KCNK2: variants seen among roughly 807,000 people sequenced by gnomAD.
KCNK2 encodes potassium channel subfamily K member 2.
Under a neutral mutation model 40.5 loss-of-function variants are expected in KCNK2, and 21 were observed. The observed-to-expected ratio is 0.52, with a 90% CI of 0.37 to 0.75. KCNK2 has a LOEUF of 0.75. Among genes scored for constraint, KCNK2 ranks in the 30% least tolerant of loss-of-function variants. KCNK2 has a pLI of 0.00. For synonymous variants in KCNK2, 191 were observed against 202.2 expected (o/e 0.94, Z 0.47); for missense variants, 399 against 531.6 (o/e 0.75, Z 2.45).
intron 3 of KCNK2, among the ~76,000 whole-genome samples, chr1:215,128,629 T>C (rs554732437): frequency 6.6e-6 from 1 of 151,932 alleles, no homozygotes; most frequent in Non-Finnish European, 1.5e-5. Flanking sequence ...AGTGGGGAAG[T>C]TGGATTTGAA....
chr1:215,084,814 T>C (rs956750439), intron 1 of KCNK2, among the ~76,000 whole-genome samples: 2 of 152,212 alleles, frequency 1.3e-5, no homozygotes, highest in Non-Finnish European at 2.9e-5. Flanking sequence ...CTTGGAGCCA[T>C]GGGTACAGAA....
At chr1:215,196,115 G>A (rs536192253) in intron 6 of KCNK2, among the ~76,000 whole-genome samples, 1 of 149,528 alleles carries the variant, frequency 6.7e-6, no homozygotes, top group East Asian at 2.0e-4. Context: ...ATGAAGTCTC[G>A]CTTTGTTATC....
At chr1:215,089,335 G>T (rs546319708) in intron 2 of KCNK2, among the ~76,000 whole-genome samples, 1 of 152,116 alleles carries the variant, frequency 6.6e-6, no homozygotes, top group Non-Finnish European at 1.5e-5. Context: ...GCTGAGGGGG[G>T]AAACAGTTGG....
At chr1:215,165,426 A>C (rs1378330382) in intron 3 of KCNK2, among the ~76,000 whole-genome samples, 1 of 152,154 alleles carries the variant, frequency 6.6e-6, no homozygotes, top group East Asian at 1.9e-4. Flanking sequence ...AAACATTCAG[A>C]ACATAGTGGA....
intron 3 of KCNK2, among the ~76,000 whole-genome samples, chr1:215,141,907 G>A (rs1157566230): frequency 6.6e-6 from 1 of 152,064 alleles, no homozygotes; most frequent in African/African-American, 2.4e-5. Flanking sequence ...CTATGCTGAT[G>A]GTTCTGCCTT....
chr1:215,196,586 T>G (rs1664875669), intron 6 of KCNK2, among the ~76,000 whole-genome samples: 1 of 152,180 alleles, frequency 6.6e-6, no homozygotes, highest in South Asian at 2.1e-4. Flanking sequence ...ACAATATGCT[T>G]GACACTATAA....
At chr1:215,110,667 A>T (rs1660642945) in intron 2 of KCNK2, among the ~76,000 whole-genome samples, 1 of 152,054 alleles carries the variant, frequency 6.6e-6, no homozygotes, top group African/African-American at 2.4e-5. Flanking sequence ...ATTTTTTTAA[A>T]ATTTAATATA....
chr1:215,225,551 A>C (rs10864164), intron 6 of KCNK2, among the ~76,000 whole-genome samples: 34,518 of 152,112 alleles, frequency 0.23, 4,510 homozygotes, highest in African/African-American at 0.36. Flanking sequence ...AGAACCTATG[A>C]AAATATCACC....
intron 6 of KCNK2, among the ~76,000 whole-genome samples, chr1:215,210,582 A>G (rs966989812): frequency 1.3e-5 from 2 of 152,050 alleles, no homozygotes; most frequent in African/African-American, 4.8e-5. Context: ...GTTCATAGAC[A>G]TGGTTTGATT....
chr1:215,124,811 G>C, intron 3 of KCNK2, 61 bp downstream of exon 3: 1 of 1,033,172 alleles, frequency 9.7e-7, no homozygotes, highest in Non-Finnish European at 1.5e-6. Flanking sequence ...AAATCCATTT[G>C]TTTGAATTTT....
rs375712483 is a variant in KCNK2, at chr1:215,177,740, A to ATTTTTTTT, written c.823+5562_823+5569dup. Among the ~76,000 whole-genome samples the ATTTTTTTT allele has an allele frequency of 5.7e-3, 577 of 101,568 alleles. 2 individuals are homozygous for ATTTTTTTT. Among genetic ancestry groups the ATTTTTTTT allele is most frequent in the Middle Eastern group, 0.015 (2 of 134 alleles). The allele number at this position is 101,568 out of a possible 152,430, so 66.6% of individuals were successfully genotyped here. A position where few individuals can be genotyped will look rare whatever the true frequency, so the allele number is the denominator to read the frequency against. On this transcript the variant is annotated intron_variant, in intron 5 of 6. Coordinates refer to ENST00000444842, the MANE Select transcript of KCNK2 (RefSeq NM_001017425.3). Reference sequence around the variant, plus strand: ...TATATGTGTATATATATATATATATATTTTTTTTTTTTGTAGCAGTACCAT... The same window carrying ATTTTTTTT: ...TATATGTGTATATATATATATATATATTTTTTTTTTTTTTTTTTTTGTAGCAGTACCAT...
intron 6 of KCNK2, among the ~76,000 whole-genome samples, chr1:215,205,143 A>G (rs1665257976): frequency 6.6e-6 from 1 of 152,188 alleles, no homozygotes; most frequent in African/African-American, 2.4e-5. Flanking sequence ...TTCCAGATAC[A>G]TATTAGGATT....
chr1:215,094,001 G>T (rs902885666), intron 2 of KCNK2, among the ~76,000 whole-genome samples: 19 of 138,974 alleles, frequency 1.4e-4, no homozygotes, highest in African/African-American at 4.9e-4. Flanking sequence ...TGCAAATGCG[G>T]TTTTTGTCAT....
intron 5 of KCNK2, among the ~76,000 whole-genome samples, chr1:215,193,666 T>G (rs1004019649): frequency 1.4e-4 from 22 of 152,180 alleles, no homozygotes; most frequent in Non-Finnish European, 3.1e-4. Flanking sequence ...TGTCAATTTG[T>G]TCTTCTCTGC....
chr1:215,019,568 G>A (rs956727648), intron 1 of KCNK2, among the ~76,000 whole-genome samples: 1 of 152,068 alleles, frequency 6.6e-6, no homozygotes, highest in African/African-American at 2.4e-5. Context: ...AACTCATTCT[G>A]TTCATGAATA....
chr1:215,160,537 AC>A (rs1663148101), intron 3 of KCNK2, among the ~76,000 whole-genome samples: 1 of 152,180 alleles, frequency 6.6e-6, no homozygotes, highest in African/African-American at 2.4e-5. Flanking sequence ...CGTCATTGAT[AC>A]CCAATTTGTT....
At chr1:215,176,493 C>T (rs934743333) in intron 5 of KCNK2, among the ~76,000 whole-genome samples, 37 of 152,100 alleles carry the variant, frequency 2.4e-4, no homozygotes, top group African/African-American at 8.4e-4. Context: ...CTTTCCCACC[C>T]CTGCACCGCT....
chr1:215,155,462 T>C (rs1439270509), intron 3 of KCNK2, among the ~76,000 whole-genome samples: 1 of 152,186 alleles, frequency 6.6e-6, no homozygotes, highest in East Asian at 1.9e-4. Context: ...AAACTACGAA[T>C]TTTTGTTGCA....
intron 3 of KCNK2, among the ~76,000 whole-genome samples, chr1:215,165,049 G>A (rs1663380427): frequency 6.6e-6 from 1 of 152,166 alleles, no homozygotes; most frequent in Admixed American, 6.6e-5. Context: ...TGTATCATAA[G>A]GAATCCTAGA....
Sources: allele counts gnomAD v4.1 joint callset (sites outside exome capture counted in the v4.1 genomes callset), GRCh38; gene constraint gnomAD v4.1.1; transcripts MANE v1.5; gene names NCBI Gene and HGNC (gene_info 2026-07-23, HGNC 2026-07-21).